Variants in TRIO observed in about 807,000 individuals in gnomAD.
TRIO encodes trio Rho guanine nucleotide exchange factor.
TRIO carries 58 observed loss-of-function variants against 351.9 expected under a neutral mutation model. That is an observed-to-expected ratio of 0.16 (90% CI 0.13 to 0.21). The LOEUF (loss-of-function observed/expected upper bound fraction) is 0.21, where lower values mean the gene tolerates loss of function less well. Ranked by LOEUF, TRIO falls within the 10% of genes least tolerant of loss-of-function variation. The pLI is 1.00. For synonymous variants in TRIO, 1,758 were observed against 1,595.7 expected, an observed-to-expected ratio of 1.10 and a Z score of -2.42; for missense variants, 3,201 against 4,027.8, an observed-to-expected ratio of 0.79 and a Z score of 5.56.
intron 31 of TRIO, 138 bp from the exon 32 acceptor site, chr5:14,405,710 C>CG (rs1387703047): frequency 1.3e-5 from 13 of 986,828 alleles, no homozygotes; most frequent in Middle Eastern, 2.5e-4. Flanking sequence ...GCATATTAAA[C>CG]GTCGGATGTG....
At position 14,291,135 on chromosome 5, in the gene TRIO, G is replaced by C; in HGVS notation, c.960G>C (p.Ser320=). ...CCACCATGCTGGACCGGCTGCACTC[G>C]ACACGGCAGCATCTGCACCAGATGT... The part of the protein sequence containing the change: ...KVSTMLDRLH[S]TRQHLHQMWH... Residue 320 remains serine (S), a synonymous_variant, in exon 5 of 57, where the codon TCG becomes TCC. Transcript: ENST00000344204. The C allele has an allele frequency of 6.2e-7, 1 of 1,614,156 alleles. No individual in the cohort carries two copies. Among genetic ancestry groups the C allele is most frequent in the Non-Finnish European group, 8.5e-7 (1 of 1,180,040 alleles).
At chr5:14,293,266 C>A in intron 6 of TRIO, 132 bp downstream of exon 6, 1 of 1,261,894 alleles carries the variant, frequency 7.9e-7, no homozygotes, top group Non-Finnish European at 1.1e-6. Context: ...CTGACCTTCA[C>A]ATGGAGGGTG....
intron 34 of TRIO, among the ~76,000 whole-genome samples, chr5:14,429,884 C>T (rs1263182764): frequency 6.6e-6 from 1 of 152,150 alleles, no homozygotes; most frequent in Non-Finnish European, 1.5e-5. Context: ...TGTTTTGCTC[C>T]TGGCTTTTAT....
At chr5:14,188,129 T>TA (rs1435141200) in intron 1 of TRIO, among the ~76,000 whole-genome samples, 2 of 152,250 alleles carry the variant, frequency 1.3e-5, no homozygotes, top group Non-Finnish European at 2.9e-5. Flanking sequence ...CCAGTTTACC[T>TA]AAAATTAAAA....
At chr5:14,407,186 T>C (rs939412774) in intron 33 of TRIO, among the ~76,000 whole-genome samples, 1 of 152,072 alleles carries the variant, frequency 6.6e-6, no homozygotes, top group Admixed American at 6.5e-5. Context: ...AGGCCCTTTA[T>C]TGTGTCCAGG....
At chr5:14,472,543 A>T (rs746913666) in intron 38 of TRIO, 49 bp from the exon 39 acceptor site, 4 of 1,606,178 alleles carry the variant, frequency 2.5e-6, no homozygotes, top group East Asian at 2.2e-5. Flanking sequence ...GTACAAAAAA[A>T]TTCATTTAGA....
intron 48 of TRIO, among the ~76,000 whole-genome samples, chr5:14,491,513 G>C (rs370590596): frequency 1.3e-5 from 2 of 152,200 alleles, no homozygotes; most frequent in African/African-American, 4.8e-5. Flanking sequence ...AGCTTCAGGC[G>C]TTGGCAGGGG....
At chr5:14,211,116 C>A (rs548331451) in intron 1 of TRIO, among the ~76,000 whole-genome samples, 27 of 152,302 alleles carry the variant, frequency 1.8e-4, no homozygotes, top group African/African-American at 6.0e-4. Flanking sequence ...GACCTTTTGA[C>A]TTTACCTTCT....
intron 7 of TRIO, among the ~76,000 whole-genome samples, chr5:14,301,363 A>C (rs1299763321): frequency 6.6e-6 from 1 of 151,364 alleles, no homozygotes; most frequent in Non-Finnish European, 1.5e-5. Context: ...ATTCTTTCGC[A>C]CTCTCCTGCC....
intron 16 of TRIO, among the ~76,000 whole-genome samples, chr5:14,368,450 T>C (rs555158553): frequency 6.6e-6 from 1 of 152,320 alleles, no homozygotes; most frequent in South Asian, 2.1e-4. Context: ...CTAAGAACCC[T>C]ACAACCGAGA....
intron 9 of TRIO, among the ~76,000 whole-genome samples, chr5:14,328,811 G>T (rs1349169716): frequency 3.3e-5 from 5 of 152,206 alleles, no homozygotes; most frequent in Non-Finnish European, 7.3e-5. Flanking sequence ...CTATGTCTCT[G>T]TATAGGGGGG....
intron 7 of TRIO, 51 bp from the exon 8 acceptor site, chr5:14,304,410 T>C: frequency 2.6e-6 from 4 of 1,564,612 alleles, no homozygotes; most frequent in Non-Finnish European, 3.5e-6. Flanking sequence ...AATGTCCACT[T>C]CTCAATATAA....
chr5:14,252,821 A>AG (rs1255441701), intron 1 of TRIO, among the ~76,000 whole-genome samples: 1 of 151,596 alleles, frequency 6.6e-6, no homozygotes, highest in African/African-American at 2.4e-5. Flanking sequence ...CTGCCTCCCT[A>AG]GGTGCCATTC....
chr5:14,168,154 T>G (rs1581262287), intron 1 of TRIO, among the ~76,000 whole-genome samples: 1 of 152,214 alleles, frequency 6.6e-6, no homozygotes, highest in African/African-American at 2.4e-5. Context: ...AATGGCGGTG[T>G]TCACAGGTGT....
chr5:14,472,637 G>A lies in TRIO; in HGVS notation c.5958G>A (p.Arg1986=), dbSNP rs751660095. 3.1e-6 allele frequency: 5 copies of A among 1,614,038 alleles called. No individual in the cohort carries two copies. The highest frequency in any genetic ancestry group is 3.4e-6 in the Non-Finnish European group (4 of 1,179,944). The change falls in exon 39 of 57, where the codon CGG becomes CGA. Residue 1986 remains arginine (R), a synonymous_variant. Transcript: ENST00000344204. ...ELVETERDYV[R]DLGYVVEGYM... is the part of the protein sequence containing the mutation. ...TGGAGACAGAGCGTGACTATGTGCG[G>A]GACCTTGGCTATGTGGTTGAGGTGT... is the stretch of plus-strand genomic sequence containing the variant.
chr5:14,493,552 C>A (rs756401251), intron 49 of TRIO, among the ~76,000 whole-genome samples: 6 of 152,190 alleles, frequency 3.9e-5, no homozygotes, highest in African/African-American at 7.2e-5. Flanking sequence ...AACGTGTGTT[C>A]TAACTGCTCC....
intron 1 of TRIO, among the ~76,000 whole-genome samples, chr5:14,162,944 G>GT (rs36121750): frequency 0.29 from 44,565 of 152,000 alleles, 6,832 homozygotes; most frequent in East Asian, 0.47. Context: ...GTAGCTGGGA[G>GT]TACAGGTGTG....
At chr5:14,217,887 G>A (rs1048008382) in intron 1 of TRIO, among the ~76,000 whole-genome samples, 5 of 152,168 alleles carry the variant, frequency 3.3e-5, no homozygotes, top group Admixed American at 1.3e-4. Flanking sequence ...CTTTTACACC[G>A]TATTGCCAGT....
At chr5:14,267,971 A>G (rs1387160815) in intron 1 of TRIO, among the ~76,000 whole-genome samples, 1 of 152,260 alleles carries the variant, frequency 6.6e-6, no homozygotes, top group Non-Finnish European at 1.5e-5. Flanking sequence ...ACTGGTTAGA[A>G]TTTATATTCT....
Sources: gnomAD v4.1 joint callset for allele counts (sites outside exome capture counted in the v4.1 genomes callset) on GRCh38, gnomAD v4.1.1 for gene constraint, MANE v1.5 for transcripts, NCBI Gene and HGNC (gene_info 2026-07-23, HGNC 2026-07-21) for gene names.